Variants in ILDR2 observed in about 807,000 individuals in gnomAD.
The protein encoded by ILDR2 is immunoglobulin-like domain-containing receptor 2.
Under a neutral mutation model 66.8 loss-of-function variants are expected in ILDR2, and 25 were observed. That is an observed-to-expected ratio of 0.37 (90% CI 0.27 to 0.52). The LOEUF (loss-of-function observed/expected upper bound fraction) is 0.52. Ranked by LOEUF, ILDR2 falls within the 20% of genes least tolerant of loss-of-function variation. The pLI, the probability that ILDR2 is intolerant of heterozygous loss-of-function variation, is 0.88. For synonymous variants in ILDR2, 367 were observed against 357.2 expected (o/e 1.03, Z -0.31); for missense variants, 827 against 876.8 (o/e 0.94, Z 0.72).
rs1338666366 is a variant in ILDR2 at position 166,956,679 on chromosome 1, CAGTGCA to C, written c.499+48_499+53del. The C allele has an allele frequency of 1.0e-5, 16 of 1,596,514 alleles. No individual in the cohort carries two copies. In the African/African-American group the frequency reaches 2.0e-4, roughly 20 times the overall value. On this transcript the variant is annotated intron_variant, in intron 3 of 9. Transcript: ENST00000271417. ...GAGAAGTGAGAAGAGGGATAGGATA[CAGTGCA>C]AGTGCAAGTGGTCTAAGATGAAAAT...
chr1:166,973,554 AC>A (rs1336621494), intron 1 of ILDR2, among the ~76,000 whole-genome samples: 1 of 144,090 alleles, frequency 6.9e-6, no homozygotes, highest in Non-Finnish European at 1.5e-5. Flanking sequence ...CCCCCAGAGT[AC>A]TTCTTTTAGG....
Position 166,958,008 on chromosome 1 carries a change from G to A in ILDR2, c.140C>T (p.Ser47Phe), listed in dbSNP as rs543718994. The A allele has an allele frequency of 6.2e-7, 1 of 1,614,194 alleles. No homozygotes were observed. The highest frequency in any genetic ancestry group is 1.1e-5 in the South Asian group (1 of 91,088). The change falls in exon 2 of 10, where the codon TCC (serine) becomes TTC (phenylalanine). Residue 47 changes from serine to phenylalanine, a missense_variant. Ser to Phe is a radical substitution (Grantham distance 155). This residue lies in a region of ILDR2 where 437 missense variants were observed against 523.2 expected (regional missense o/e 0.84). Transcript: ENST00000271417. ...CTGCACAACTGCAGGCTGATGGGAG[G>A]ATGTTGAGAAGTGGCAGCGAAGCAC... ...PTVLRCHFST[S>F]SHQPAVVQWK... is the part of the protein sequence containing the mutation.
At chr1:166,962,078 AGT>A (rs1662652081) in intron 1 of ILDR2, among the ~76,000 whole-genome samples, 1 of 152,188 alleles carries the variant, frequency 6.6e-6, no homozygotes, top group Non-Finnish European at 1.5e-5. Flanking sequence ...CACAGAGTGA[AGT>A]GTTGGAGATA....
downstream of ILDR2, among the ~76,000 whole-genome samples, chr1:166,903,329 C>A (rs757706815): frequency 1.1e-4 from 16 of 152,226 alleles, no homozygotes; most frequent in Admixed American, 2.6e-4. Flanking sequence ...TCCATGAGGT[C>A]ATTTGGGAGC....
downstream of ILDR2, among the ~76,000 whole-genome samples, chr1:166,903,595 C>A (rs1659296582): frequency 6.6e-6 from 1 of 151,992 alleles, no homozygotes; most frequent in African/African-American, 2.4e-5. Flanking sequence ...TTTCTAAGGA[C>A]AAAAAAGAGA....
At position 166,909,753 on chromosome 1, in the gene ILDR2, ATATATAAATATATATAAATATATATATT is replaced by A. The variant is rs1407020834; in HGVS notation, c.*9574_*9601del. ...TATACATACATATATATATATATAT[ATATATAAATATATATAAATATATATATT>A]TATATATATATATATATATATATAT... is the stretch of plus-strand genomic sequence containing the variant. On this transcript the variant is annotated 3_prime_UTR_variant, in exon 10 of 10. Transcript: ENST00000271417. 8.8e-4 allele frequency: 66 copies of A among 74,636 alleles called. No homozygotes were observed. The highest frequency in any genetic ancestry group is 4.2e-3 in the African/African-American group (62 of 14,782). The allele number at this position is 74,636 out of a possible 1,614,324, so 4.6% of individuals were successfully genotyped here. A position where few individuals can be genotyped will look rare whatever the true frequency, so the allele number is the denominator to read the frequency against.
Position 166,936,638 on chromosome 1 carries a change from TAGC to T in ILDR2, c.653_655del (p.Cys218del). On this transcript the variant is annotated inframe_deletion, in exon 5 of 10. Transcript: ENST00000271417. The surrounding 1 kb of genome is among the most constrained non-coding windows in gnomAD (Gnocchi z 5.0). ...ATCTGGGCAGCATGGGCAGCGGACATAGCAGCAGCAGCTGTGAGGGCAGCACTG... is the reference window on the plus strand; with the variant it reads ...ATCTGGGCAGCATGGGCAGCGGACATAGCAGCAGCTGTGAGGGCAGCACTG... 6.2e-7 allele frequency: 1 copy of T among 1,613,750 alleles called. No homozygotes were observed. The highest frequency in any genetic ancestry group is 8.5e-7 in the Non-Finnish European group (1 of 1,179,778).
chr1:166,936,534 T>C lies in ILDR2; in HGVS notation c.703+57A>G. Reference sequence around the variant, plus strand: ...GAACCCAGCGCACACAGCTGTCAGGTAGAGAGGTAGACATTTCTCTCGATC... The same window carrying C: ...GAACCCAGCGCACACAGCTGTCAGGCAGAGAGGTAGACATTTCTCTCGATC... On this transcript the variant is annotated intron_variant, in intron 5 of 9. Transcript: ENST00000271417. This position sits in a 1 kb window ranked among gnomAD's most constrained non-coding sequence, Gnocchi z 5.0. The C allele has an allele frequency of 6.2e-7, 1 of 1,610,360 alleles. No individual in the cohort carries two copies. Among genetic ancestry groups the C allele is most frequent in the Non-Finnish European group, 8.5e-7 (1 of 1,177,950 alleles).
At position 166,916,637 on chromosome 1, in the gene ILDR2, C is replaced by G. The variant is rs1387240854; in HGVS notation, c.*2718G>C. ...TTGACTTGTCAACTCAGCCTTAACT[C>G]CTGTCCATATACCCAGAAACAACTG... On this transcript the variant is annotated 3_prime_UTR_variant, in exon 10 of 10. Transcript: ENST00000271417. The G allele has an allele frequency of 6.6e-6, 1 of 152,248 alleles. No homozygotes were observed. Among genetic ancestry groups the G allele is most frequent in the East Asian group, 1.9e-4 (1 of 5,204 alleles). 9.4% of individuals were successfully genotyped at this position (152,248 alleles called of 1,614,324 possible). A position where few individuals can be genotyped will look rare whatever the true frequency, so the allele number is the denominator to read the frequency against.
intron 3 of ILDR2, chr1:166,943,933 GT>G: frequency 2.6e-6 from 2 of 760,680 alleles, no homozygotes; most frequent in Non-Finnish European, 3.2e-6. Flanking sequence ...GGAAAATACA[GT>G]TTTTATGTAA....
intron 1 of ILDR2, among the ~76,000 whole-genome samples, chr1:166,965,862 G>A (rs1662920699): frequency 6.6e-6 from 1 of 151,760 alleles, no homozygotes; most frequent in Non-Finnish European, 1.5e-5. Context: ...AATTTCCTAA[G>A]ATACTTTTTA....
At chr1:166,965,225 T>C (rs1662861254) in intron 1 of ILDR2, among the ~76,000 whole-genome samples, 1 of 152,204 alleles carries the variant, frequency 6.6e-6, no homozygotes, top group African/African-American at 2.4e-5. Flanking sequence ...GTGTTTCAGA[T>C]TTCAGATTTT....
chr1:166,922,799 G>C lies in ILDR2; in HGVS notation c.1005C>G (p.Thr335=). The C allele has an allele frequency of 6.2e-7, 1 of 1,613,982 alleles. No individual in the cohort carries two copies. The highest frequency in any genetic ancestry group is 8.5e-7 in the Non-Finnish European group (1 of 1,179,908). Reference sequence around the variant, plus strand: ...CATGTAGGGAGCTGAGTTCTGAGATGGTGTTGTTATCTGCAGGGACAAAAT... The same window carrying C: ...CATGTAGGGAGCTGAGTTCTGAGATCGTGTTGTTATCTGCAGGGACAAAAT... ...ARRMRGRYNN[T]ISELSSLHEE... The change falls in exon 8 of 10, where the codon ACC becomes ACG. Residue 335 remains threonine, a synonymous_variant. Coordinates refer to ENST00000271417, the MANE Select transcript of ILDR2 (RefSeq NM_199351.3).
rs546330199 is a variant in ILDR2, at chr1:166,903,179, C to T, written n.171+3874G>A. ...TTTGAAACTTTCTAATGGTTTCCAA[C>T]TTAGAAAAAAGTCCACATTTCTCAT... On this transcript the variant is annotated intron_variant and non_coding_transcript_variant, in intron 2 of 2. Transcript: ENST00000414590. 5.9e-5 allele frequency among the ~76,000 whole-genome samples: 9 copies of T among 152,300 alleles called. No homozygotes were observed. The South Asian group carries it at 1.9e-3, about 32-fold the overall frequency.
downstream of ILDR2, among the ~76,000 whole-genome samples, chr1:166,905,505 G>A (rs1309560683): frequency 6.6e-6 from 1 of 152,046 alleles, no homozygotes; most frequent in East Asian, 1.9e-4. Context: ...GCAGACCCAG[G>A]GTCTACCAGA....
intron 6 of ILDR2, among the ~76,000 whole-genome samples, chr1:166,931,467 C>A (rs1660634448): frequency 6.6e-6 from 1 of 152,194 alleles, no homozygotes; most frequent in Non-Finnish European, 1.5e-5. Context: ...TATATAGATA[C>A]ACATCCTTAT....
intron 9 of ILDR2, 121 bp downstream of exon 9, chr1:166,920,586 C>T: frequency 8.6e-7 from 1 of 1,164,700 alleles, no homozygotes; most frequent in East Asian, 3.2e-5. Context: ...CCCCTGCGGC[C>T]TCTCCGGCAA....
Position 166,957,906 on chromosome 1 carries a change from C to T in ILDR2, c.242G>A (p.Ser81Asn). The T allele has an allele frequency of 6.2e-7, 1 of 1,614,184 alleles. No individual in the cohort carries two copies. The highest frequency in any genetic ancestry group is 8.5e-7 in the Non-Finnish European group (1 of 1,180,038). The change falls in exon 2 of 10, where the codon AGC (serine) becomes AAC (asparagine). Residue 81 changes from serine (S) to asparagine (N), a missense_variant. Ser to Asn is a conservative substitution (Grantham distance 46). Coordinates refer to ENST00000271417, the MANE Select transcript of ILDR2 (RefSeq NM_199351.3). ...GGGGTCCCATTCCAGGTTTCTCTTG[C>T]TGAGAGATTGGGCCCGGGTAGAGGA... ...GMSSTRAQSL[S>N]KRNLEWDPYL...
intron 1 of ILDR2, among the ~76,000 whole-genome samples, chr1:166,959,559 T>C (rs552359568): frequency 8.5e-5 from 13 of 152,276 alleles, no homozygotes; most frequent in African/African-American, 3.1e-4. Context: ...CTTTGAAGGA[T>C]AATCAAAAGA....
Sources: allele counts gnomAD v4.1 joint callset (sites outside exome capture counted in the v4.1 genomes callset), GRCh38; gene constraint gnomAD v4.1.1; regional missense constraint gnomAD v4.1.1; non-coding constraint Gnocchi (gnomAD v3.1); transcripts MANE v1.5; gene names NCBI Gene and HGNC (gene_info 2026-07-23, HGNC 2026-07-21).